The following ZNF573 variants were observed in gnomAD, a reference collection of about 807,000 sequenced individuals.
The protein encoded by ZNF573 is zinc finger protein 573.
ZNF573 carries 41 observed loss-of-function variants against 57.4 expected under a neutral mutation model. That is an observed-to-expected ratio of 0.71 (90% CI 0.56 to 0.93). The LOEUF (loss-of-function observed/expected upper bound fraction) is 0.93. Ranked by LOEUF, ZNF573 falls within the 40% of genes least tolerant of loss-of-function variation. The pLI is 0.00. For missense variants in ZNF573, 730 were observed against 794.8 expected, an observed-to-expected ratio of 0.92 and a Z score of 0.98; for synonymous variants, 249 against 261.0, an observed-to-expected ratio of 0.95 and a Z score of 0.44.
intron 4 of ZNF573, among the ~76,000 whole-genome samples, chr19:37,754,067 T>G (rs2045464228): frequency 6.6e-6 from 1 of 151,568 alleles, no homozygotes; most frequent in African/African-American, 2.4e-5. Context: ...TAAAAGGGAG[T>G]AAAAGATAAA....
intron 4 of ZNF573, among the ~76,000 whole-genome samples, chr19:37,752,485 T>C (rs1305182673): frequency 3.9e-5 from 6 of 152,178 alleles, no homozygotes; most frequent in Admixed American, 3.9e-4. Context: ...TTATGCTAAG[T>C]GAAAGAAAGT....
chr19:37,755,724 A>C (rs957164706), intron 4 of ZNF573, among the ~76,000 whole-genome samples: 2 of 152,178 alleles, frequency 1.3e-5, no homozygotes, highest in East Asian at 1.9e-4. Context: ...ACAAATTTCA[A>C]AATCAGAAAG....
intron 4 of ZNF573, among the ~76,000 whole-genome samples, chr19:37,757,508 TATG>T (rs1169684147): frequency 3.9e-5 from 6 of 152,276 alleles, no homozygotes; most frequent in Non-Finnish European, 4.4e-5. Context: ...ACACTAAAAT[TATG>T]ATGTCATAGA....
chr19:37,770,128 A>C, intron 3 of ZNF573, 31 bp from the exon 4 acceptor site: 1 of 1,490,502 alleles, frequency 6.7e-7, no homozygotes, highest in Non-Finnish European at 9.0e-7. Context: ...ACATGGTATA[A>C]AAATAAAAAC....
rs2045283714 is a variant in ZNF573 at position 37,738,565 on chromosome 19, T to A, written c.1925A>T (p.Gln642Leu). 1 of 1,592,426 alleles carries A rather than the reference T, an allele frequency of 6.3e-7. No individual in the cohort carries two copies. Among genetic ancestry groups the A allele is most frequent in the Non-Finnish European group, 8.5e-7 (1 of 1,172,004 alleles). ...HTGEKPYVCK[Q>L]CGKTFRYGSA... ...ACCATATCTGAAGGTTTTCCCACAC[T>A]GCTTACACACATAGGGTTTCTCACC... is the stretch of plus-strand genomic sequence containing the variant. Residue 642 changes from glutamine to leucine, a missense_variant, in exon 5 of 5, where the codon CAG becomes CTG. Physicochemically the swap from Gln to Leu is moderately radical, Grantham distance 113. Transcript: ENST00000536220.
chr19:37,748,923 T>C (rs1182870244), intron 4 of ZNF573, among the ~76,000 whole-genome samples: 3 of 81,028 alleles, frequency 3.7e-5, no homozygotes, highest in African/African-American at 9.4e-5. Flanking sequence ...CAAGACTTGG[T>C]CTCAAAAAAA....
At chr19:37,763,601 C>G (rs945520900) in intron 4 of ZNF573, among the ~76,000 whole-genome samples, 7 of 151,736 alleles carry the variant, frequency 4.6e-5, no homozygotes, top group Non-Finnish European at 1.0e-4. Flanking sequence ...GAGTAAATAT[C>G]AGTCATAAGG....
At chr19:37,754,897 A>G (rs2045472828) in intron 4 of ZNF573, among the ~76,000 whole-genome samples, 1 of 152,202 alleles carries the variant, frequency 6.6e-6, no homozygotes, top group South Asian at 2.1e-4. Flanking sequence ...AAAAAGAATT[A>G]AAAGATTTCT....
chr19:37,761,347 C>T (rs542775314), intron 4 of ZNF573, among the ~76,000 whole-genome samples: 7 of 152,142 alleles, frequency 4.6e-5, no homozygotes, highest in Admixed American at 2.0e-4. Context: ...AAATGAAGTC[C>T]GCAAAGCATC....
chr19:37,768,856 C>CTCAAATAGAATAGAATGTAAT (rs771763127), intron 4 of ZNF573, among the ~76,000 whole-genome samples: 117 of 149,498 alleles, frequency 7.8e-4, no homozygotes, highest in Middle Eastern at 3.5e-3. Context: ...TTAGTAGAGA[C>CTCAAATAGAATAGAATGTAAT]GGGGTTTCAC....
chr19:37,765,487 G>C (rs2045593301), intron 4 of ZNF573, among the ~76,000 whole-genome samples: 1 of 152,046 alleles, frequency 6.6e-6, no homozygotes, highest in African/African-American at 2.4e-5. Context: ...GAGGCAGGCG[G>C]ATCACGGGAG....
chr19:37,769,757 A>T (rs1376875758), intron 4 of ZNF573, among the ~76,000 whole-genome samples: 5 of 151,328 alleles, frequency 3.3e-5, no homozygotes, highest in Admixed American at 3.3e-4. Context: ...AAAAGAAAAG[A>T]AAAAAGAAAG....
At position 37,738,957 on chromosome 19, in the gene ZNF573, T is replaced by A; in HGVS notation, c.1533A>T (p.Gly511=). 2 of 1,610,974 alleles carry A rather than the reference T, an allele frequency of 1.2e-6. No individual in the cohort carries two copies. Among genetic ancestry groups the A allele is most frequent in the Non-Finnish European group, 8.5e-7 (1 of 1,177,324 alleles). ...KECGKTFSLH[G]YLNQHQKIHT... is the part of the protein sequence containing the mutation. ...GAATTTTCTGATGTTGATTAAGATATCCATGCAAGCTAAAGGTCTTGCCAC... is the reference window on the plus strand; with the variant it reads ...GAATTTTCTGATGTTGATTAAGATAACCATGCAAGCTAAAGGTCTTGCCAC... The change falls in exon 5 of 5, where the codon GGA becomes GGT. Residue 511 remains glycine, a synonymous_variant. Transcript: ENST00000536220.
chr19:37,776,354 G>A (rs1372789400), intron 1 of ZNF573, among the ~76,000 whole-genome samples: 3 of 152,174 alleles, frequency 2.0e-5, no homozygotes, highest in Admixed American at 2.0e-4. Context: ...ACTGATCTTC[G>A]ACAAAGTAAA....
chr19:37,739,840 GT>G lies in ZNF573; in HGVS notation c.649del (p.Thr217ProfsTer223). On this transcript the variant is annotated frameshift_variant, in exon 5 of 5. Transcript: ENST00000536220. LOFTEE classifies it high-confidence loss of function. ...VHQRFHTGEK[T>X]YECRQCGKAF... is the part of the protein sequence containing the mutation. Reference sequence around the variant, plus strand: ...CTTCCCACACTGCCTACATTCATAGGTTTTCTCACCAGTATGAAATCTCTGA... The same window carrying G: ...CTTCCCACACTGCCTACATTCATAGGTTTCTCACCAGTATGAAATCTCTGA... 6.2e-7 allele frequency: 1 copy of G among 1,613,896 alleles called. No homozygotes were observed. The highest frequency in any genetic ancestry group is 1.1e-5 in the South Asian group (1 of 91,070).
At chr19:37,772,009 A>G (rs1199535006) in intron 2 of ZNF573, among the ~76,000 whole-genome samples, 1 of 152,256 alleles carries the variant, frequency 6.6e-6, no homozygotes, top group Non-Finnish European at 1.5e-5. Context: ...ACAACTACAT[A>G]GTCTGCTAGT....
chr19:37,775,782 A>G (rs534649716), intron 1 of ZNF573, among the ~76,000 whole-genome samples: 4 of 150,998 alleles, frequency 2.6e-5, no homozygotes, highest in Non-Finnish European at 5.9e-5. Context: ...GCATTGCTAT[A>G]TACCAACATC....
rs553656866 is a variant in ZNF573, at chr19:37,764,627, G to A, written c.295+5378C>T. On this transcript the variant is annotated intron_variant, in intron 4 of 4. Transcript: ENST00000536220. ...AGTCACTTTTTTTTTTTTTTGAGAC[G>A]GTGTCTCGCTCTTTCACCCAGGCTG... is the stretch of plus-strand genomic sequence containing the variant. 5.2e-5 allele frequency among the ~76,000 whole-genome samples: 7 copies of A among 134,634 alleles called. No homozygotes were observed. The South Asian group carries it at 9.4e-4, about 18-fold the overall frequency. 88.3% of individuals were successfully genotyped at this position (134,634 alleles called of 152,430 possible). A position where few individuals can be genotyped will look rare whatever the true frequency, so the allele number is the denominator to read the frequency against.
intron 3 of ZNF573, among the ~76,000 whole-genome samples, chr19:37,770,832 T>TTTTATATATATATATATATATA (rs1555745090): frequency 2.1e-5 from 2 of 93,736 alleles, no homozygotes; most frequent in South Asian, 3.3e-4. Flanking sequence ...TTAAGTTATT[T>TTTTATATATATATATATATATA]TATATATATA....
Sources: allele counts gnomAD v4.1 joint callset (sites outside exome capture counted in the v4.1 genomes callset), GRCh38; gene constraint gnomAD v4.1.1; transcripts MANE v1.5; gene names NCBI Gene and HGNC (gene_info 2026-07-23, HGNC 2026-07-21).